Variants in BACH2 observed in about 807,000 individuals in gnomAD.
BACH2 encodes the protein BACH transcriptional regulator 2, also known as transcription regulator protein BACH2.
In BACH2, 5 loss-of-function variants were observed where a neutral mutation model predicts 61.8. The ratio of observed to expected loss-of-function variants is 0.08; its 90% CI spans 0.04 to 0.17. BACH2 has a LOEUF of 0.17. Ranked by LOEUF, BACH2 falls within the 10% of genes least tolerant of loss-of-function variation. The pLI is 1.00. For missense variants in BACH2, 824 were observed against 1,091.1 expected, an observed-to-expected ratio of 0.76 and a Z score of 3.45; for synonymous variants, 446 against 440.1, an observed-to-expected ratio of 1.01 and a Z score of -0.17.
At chr6:90,160,906 T>C (rs1785166767) in intron 4 of BACH2, among the ~76,000 whole-genome samples, 2 of 152,058 alleles carry the variant, frequency 1.3e-5, no homozygotes, top group African/African-American at 2.4e-5. Context: ...CTGGCCAACA[T>C]GGTGAAACCC....
At chr6:90,223,314 A>C (rs1228670163) in intron 3 of BACH2, among the ~76,000 whole-genome samples, 1 of 152,218 alleles carries the variant, frequency 6.6e-6, no homozygotes, top group Non-Finnish European at 1.5e-5. Flanking sequence ...AGTGTAGGAG[A>C]CAAAACAAAT....
intron 4 of BACH2, among the ~76,000 whole-genome samples, chr6:90,115,019 A>T (rs1235938374): frequency 6.6e-6 from 1 of 152,200 alleles, no homozygotes; most frequent in African/African-American, 2.4e-5. Flanking sequence ...AAGAAATTAG[A>T]GAAGACACAA....
intron 3 of BACH2, among the ~76,000 whole-genome samples, chr6:90,209,654 G>A (rs1366371757): frequency 6.6e-6 from 1 of 152,112 alleles, no homozygotes. Context: ...TAACAGACAA[G>A]GATTCTTGAA....
Position 89,950,724 on chromosome 6 carries a change from G to A in BACH2, c.1382C>T (p.Pro461Leu), listed in dbSNP as rs144153232. Residue 461 changes from proline to leucine, a missense_variant, in exon 7 of 9, where the codon CCG (proline) becomes CTG (leucine). Physicochemically the swap from Pro to Leu is moderately conservative, Grantham distance 98. This residue lies in a region of BACH2 where 102 missense variants were observed against 98.1 expected (regional missense o/e 1.04). Transcript: ENST00000257749. This position sits in a 1 kb window ranked among gnomAD's most constrained non-coding sequence, Gnocchi z 5.3. ...VSSLDKDLSEPVPKGLWVGAG... is the reference protein window; with the variant it reads ...VSSLDKDLSELVPKGLWVGAG... ...TCCCACCCACAGACCCTTTGGCACC[G>A]GCTCAGAGAGGTCTTTGTCCAAACT... 18 of 1,614,150 alleles carry A rather than the reference G, an allele frequency of 1.1e-5. No homozygotes were observed. Among genetic ancestry groups the A allele is most frequent in the East Asian group, 2.2e-5 (1 of 44,858 alleles).
intron 4 of BACH2, among the ~76,000 whole-genome samples, chr6:90,190,651 A>G (rs1471409788): frequency 1.3e-5 from 2 of 152,264 alleles, no homozygotes; most frequent in African/African-American, 4.8e-5. Context: ...CAGACTTCAA[A>G]GATAATCTGG....
intron 5 of BACH2, among the ~76,000 whole-genome samples, chr6:90,050,210 G>A (rs1311257580): frequency 1.3e-5 from 2 of 152,086 alleles, no homozygotes; most frequent in African/African-American, 2.4e-5. Context: ...TGTGTAAGCT[G>A]ATAAAGCAAC....
intron 5 of BACH2, among the ~76,000 whole-genome samples, chr6:90,043,491 T>TCTCC (rs1779639297): frequency 6.6e-6 from 1 of 150,620 alleles, no homozygotes; most frequent in African/African-American, 2.4e-5. Flanking sequence ...TCCCTTCCTC[T>TCTCC]CTCCCTCCCT....
At chr6:90,211,631 T>TGCGC (rs1554258012) in intron 3 of BACH2, among the ~76,000 whole-genome samples, 169 of 141,088 alleles carry the variant, frequency 1.2e-3, no homozygotes, top group African/African-American at 4.2e-3. Context: ...TGTGTGTGTG[T>TGCGC]GCTCTCCTGA....
intron 6 of BACH2, among the ~76,000 whole-genome samples, chr6:89,990,175 C>T (rs1013018677): frequency 8.5e-5 from 13 of 152,184 alleles, no homozygotes; most frequent in Non-Finnish European, 4.4e-5. Flanking sequence ...AGGGAGGCCT[C>T]CTACAGCAGC....
rs559558084 is a variant in BACH2 at position 90,232,620 on chromosome 6, GAA to G, written c.-275+19891_-275+19892del. Among the ~76,000 whole-genome samples the G allele has an allele frequency of 6.1e-4, 93 of 152,226 alleles. 1 individual carries two copies. The South Asian group carries it at 0.019, about 31-fold the overall frequency. ...GTTTTTCTAATCCTAAACACAAAGG[GAA>G]TATAAAGAGGTGTGCAGTAGGGCTG... On this transcript the variant is annotated intron_variant, in intron 3 of 8. Transcript: ENST00000257749.
chr6:90,156,873 C>T (rs1048023231), intron 4 of BACH2, among the ~76,000 whole-genome samples: 10 of 152,164 alleles, frequency 6.6e-5, no homozygotes, highest in South Asian at 2.1e-4. Context: ...ATGACCCAGG[C>T]GGCCCTGAAA....
At position 89,939,656 on chromosome 6, in the gene BACH2, C is replaced by CTTTT. The variant is rs71298713; in HGVS notation, c.1837-1310_1837-1307dup. Among the ~76,000 whole-genome samples the CTTTT allele has an allele frequency of 1.0e-3, 86 of 82,614 alleles. 8 individuals are homozygous for CTTTT. Among genetic ancestry groups the CTTTT allele is most frequent in the African/African-American group, 3.9e-3 (83 of 21,064 alleles). 54.2% of individuals were successfully genotyped at this position (82,614 alleles called of 152,430 possible). A position where few individuals can be genotyped will look rare whatever the true frequency, so the allele number is the denominator to read the frequency against. Reference sequence around the variant, plus strand: ...TGTTGTTAAATGATTGCTTATATTTCTTTTTTTTTTTTTTTTTTTTTTTTT... The same window carrying CTTTT: ...TGTTGTTAAATGATTGCTTATATTTCTTTTTTTTTTTTTTTTTTTTTTTTTTTTT... On this transcript the variant is annotated intron_variant, in intron 7 of 8. Transcript: ENST00000257749.
chr6:90,088,349 T>C (rs1782019599), intron 5 of BACH2, among the ~76,000 whole-genome samples: 1 of 152,188 alleles, frequency 6.6e-6, no homozygotes, highest in Non-Finnish European at 1.5e-5. Flanking sequence ...AACAGCACTA[T>C]TAGTCACACT....
chr6:90,206,375 T>G (rs1417888989), intron 4 of BACH2, among the ~76,000 whole-genome samples, 194 bp downstream of exon 4: 3 of 152,188 alleles, frequency 2.0e-5, no homozygotes, highest in South Asian at 4.2e-4. Context: ...AAATGACACC[T>G]CCAGAGGACT....
chr6:89,987,690 T>C (rs1776317547), intron 6 of BACH2, among the ~76,000 whole-genome samples: 2 of 152,064 alleles, frequency 1.3e-5, no homozygotes, highest in Admixed American at 1.3e-4. Flanking sequence ...CTCTCTTCAG[T>C]GGTGGTGAGC....
chr6:90,097,628 T>C (rs937398739), intron 4 of BACH2, among the ~76,000 whole-genome samples: 18 of 152,338 alleles, frequency 1.2e-4, no homozygotes, highest in African/African-American at 4.3e-4. Context: ...TGGGTTTTCC[T>C]TCTGTATTAG....
chr6:90,020,327 A>G (rs1778306367), intron 5 of BACH2, among the ~76,000 whole-genome samples: 1 of 152,198 alleles, frequency 6.6e-6, no homozygotes, highest in Non-Finnish European at 1.5e-5. Context: ...GCATTAAGAC[A>G]TAGGGCCTTC....
At position 90,283,023 on chromosome 6, in the gene BACH2, A is replaced by G. The variant is rs558830707; in HGVS notation, c.-445-11082T>C. ...ATTCACATCCTTACATGGTATTGTCAGGTTTTAAAATTTCTGCCAATCCAG... is the reference window on the plus strand; with the variant it reads ...ATTCACATCCTTACATGGTATTGTCGGGTTTTAAAATTTCTGCCAATCCAG... On this transcript the variant is annotated intron_variant, in intron 1 of 8. Coordinates refer to ENST00000257749, the MANE Select transcript of BACH2 (RefSeq NM_021813.4). Among the ~76,000 whole-genome samples the G allele has an allele frequency of 2.6e-5, 4 of 152,368 alleles. No homozygotes were observed. The East Asian group carries it at 7.7e-4, about 29-fold the overall frequency.
intron 6 of BACH2, among the ~76,000 whole-genome samples, chr6:89,982,485 A>C (rs1211104081): frequency 6.6e-6 from 1 of 152,132 alleles, no homozygotes; most frequent in Non-Finnish European, 1.5e-5. Context: ...AAAGAGATAA[A>C]AGTCTGATTT....
Sources: gnomAD v4.1 joint callset for allele counts (sites outside exome capture counted in the v4.1 genomes callset) on GRCh38, gnomAD v4.1.1 for gene constraint, gnomAD v4.1.1 regional missense constraint, Gnocchi (gnomAD v3.1) non-coding constraint, MANE v1.5 for transcripts, NCBI Gene and HGNC (gene_info 2026-07-23, HGNC 2026-07-21) for gene names.